The following NEK10 variants were observed in gnomAD, a reference collection of about 807,000 sequenced individuals.
NEK10 encodes the protein serine/threonine-protein kinase Nek10.
NEK10 carries 122 observed loss-of-function variants against 159.8 expected under a neutral mutation model. The ratio of observed to expected loss-of-function variants is 0.76; its 90% CI spans 0.66 to 0.89. The LOEUF is 0.89. NEK10 is among the 40% of genes least tolerant of loss of function. The pLI is 0.00. For synonymous variants in NEK10, 466 were observed against 457.1 expected (o/e 1.02, Z -0.25); for missense variants, 1,342 against 1,323.1 (o/e 1.01, Z -0.22).
chr3:27,315,493 T>G (rs1242981335), intron 6 of NEK10, among the ~76,000 whole-genome samples: 2 of 152,246 alleles, frequency 1.3e-5, no homozygotes, highest in East Asian at 3.8e-4. Context: ...GCCTCATCAA[T>G]GCTATTCACT....
chr3:27,237,779 C>T (rs1298396605), intron 23 of NEK10, among the ~76,000 whole-genome samples: 1 of 152,036 alleles, frequency 6.6e-6, no homozygotes, highest in Non-Finnish European at 1.5e-5. Context: ...ATCCATGCAT[C>T]CCAAAACCAC....
At chr3:27,359,106 G>A (rs962294375) in intron 1 of NEK10, among the ~76,000 whole-genome samples, 10 of 151,242 alleles carry the variant, frequency 6.6e-5, no homozygotes, top group South Asian at 2.1e-4. Context: ...GGAGGCTGAG[G>A]CAGGAGAATC....
intron 5 of NEK10, among the ~76,000 whole-genome samples, chr3:27,327,400 G>A (rs2046081678): frequency 1.3e-5 from 2 of 152,176 alleles, no homozygotes; most frequent in Admixed American, 6.5e-5. Context: ...TTATGCCACT[G>A]TTTTCACAGG....
intron 23 of NEK10, among the ~76,000 whole-genome samples, chr3:27,244,826 C>T (rs1954901970): frequency 6.6e-6 from 1 of 152,154 alleles, no homozygotes; most frequent in Admixed American, 6.5e-5. Context: ...TGTGCCCACA[C>T]CGCAGATGCT....
intron 29 of NEK10, among the ~76,000 whole-genome samples, chr3:27,163,273 T>G (rs780673661): frequency 1.3e-5 from 2 of 152,172 alleles, no homozygotes; most frequent in Non-Finnish European, 2.9e-5. Flanking sequence ...TCTTCTACTC[T>G]GTGGAGGTGG....
chr3:27,295,721 G>A (rs1234828492), intron 14 of NEK10, 31 bp from the exon 15 acceptor site: 14 of 1,543,684 alleles, frequency 9.1e-6, no homozygotes, highest in Non-Finnish European at 8.7e-6. Context: ...TACTATGAGT[G>A]ACAACACTGT....
At chr3:27,210,197 G>A (rs1950883292) in intron 23 of NEK10, among the ~76,000 whole-genome samples, 1 of 152,134 alleles carries the variant, frequency 6.6e-6, no homozygotes, top group South Asian at 2.1e-4. Flanking sequence ...AATTCTGGAG[G>A]CTGAAAATCC....
intron 33 of NEK10, among the ~76,000 whole-genome samples, chr3:27,119,188 T>G (rs187415817): frequency 1.5e-4 from 23 of 152,352 alleles, no homozygotes; most frequent in South Asian, 6.2e-4. Flanking sequence ...ATCCCCATTT[T>G]ACAGGCAAGG....
intron 18 of NEK10, 40 bp from the exon 19 acceptor site, chr3:27,290,794 GGTAAAGAAGGAGAA>G (rs1559440826): frequency 6.7e-7 from 1 of 1,484,352 alleles, no homozygotes; most frequent in Non-Finnish European, 9.2e-7. Context: ...AAAGGAACAG[GGTAAAGAAGGAGAA>G]GAGAGAAAGA....
intron 22 of NEK10, among the ~76,000 whole-genome samples, chr3:27,282,683 T>C (rs1252370578): frequency 7.2e-6 from 1 of 139,070 alleles, no homozygotes; most frequent in Non-Finnish European, 1.5e-5. Flanking sequence ...ATAACTGTGT[T>C]ATATATATAC....
chr3:27,195,910 C>T (rs1231285704), intron 25 of NEK10, among the ~76,000 whole-genome samples: 1 of 152,088 alleles, frequency 6.6e-6, no homozygotes, highest in Non-Finnish European at 1.5e-5. Flanking sequence ...GAGTGCCTAC[C>T]ACTTGCTGGG....
intron 13 of NEK10, 147 bp downstream of exon 13, chr3:27,301,549 G>T (rs979669347): frequency 4.8e-6 from 3 of 625,204 alleles, no homozygotes; most frequent in Non-Finnish European, 5.7e-6. Flanking sequence ...CTGGGACCAA[G>T]AAGTTTCTGG....
chr3:27,151,426 C>G (rs1385856546), intron 30 of NEK10, among the ~76,000 whole-genome samples: 1 of 152,122 alleles, frequency 6.6e-6, no homozygotes, highest in Admixed American at 6.5e-5. Flanking sequence ...AGGTTCAGTT[C>G]ACAGGAGGCC....
intron 7 of NEK10, among the ~76,000 whole-genome samples, chr3:27,313,227 T>C (rs1333792372): frequency 1.3e-5 from 2 of 150,874 alleles, no homozygotes; most frequent in Admixed American, 6.6e-5. Context: ...ATCACACAAC[T>C]GCACTTTAGC....
intron 23 of NEK10, among the ~76,000 whole-genome samples, chr3:27,241,256 C>A (rs1381453438): frequency 6.6e-6 from 1 of 152,164 alleles, no homozygotes; most frequent in Admixed American, 6.5e-5. Flanking sequence ...CACCCTACAA[C>A]CATATCTCTG....
At chr3:27,215,170 G>A (rs1951390956) in intron 23 of NEK10, among the ~76,000 whole-genome samples, 1 of 152,122 alleles carries the variant, frequency 6.6e-6, no homozygotes, top group South Asian at 2.1e-4. Context: ...CTTAATCTCT[G>A]AACACATAAA....
At chr3:27,221,770 A>AC (rs1175984144) in intron 23 of NEK10, among the ~76,000 whole-genome samples, 1 of 151,964 alleles carries the variant, frequency 6.6e-6, no homozygotes, top group Non-Finnish European at 1.5e-5. Flanking sequence ...TGGTCCCTCC[A>AC]CCCCCACTAG....
chr3:27,111,896 A>C (rs1939604148), intron 35 of NEK10, among the ~76,000 whole-genome samples: 1 of 152,306 alleles, frequency 6.6e-6, no homozygotes, highest in Admixed American at 6.5e-5. Context: ...ATAAAACGTA[A>C]TTTATCATAC....
At chr3:27,212,874 G>T (rs546554701) in intron 23 of NEK10, among the ~76,000 whole-genome samples, 8 of 152,294 alleles carry the variant, frequency 5.3e-5, no homozygotes, top group African/African-American at 1.9e-4. Flanking sequence ...TGAGACGGAG[G>T]CAGGAGAATA....
Sources: allele counts gnomAD v4.1 joint callset (sites outside exome capture counted in the v4.1 genomes callset), GRCh38; gene constraint gnomAD v4.1.1; transcripts MANE v1.5; gene names NCBI Gene and HGNC (gene_info 2026-07-23, HGNC 2026-07-21).